The following LCLAT1 variants were observed in gnomAD, a reference collection of about 807,000 sequenced individuals.
LCLAT1 encodes lysocardiolipin acyltransferase 1.
A neutral mutation model predicts 30.7 loss-of-function variants in LCLAT1; 11 were observed. The observed-to-expected ratio is 0.36, with a 90% CI of 0.23 to 0.59. The LOEUF (loss-of-function observed/expected upper bound fraction) is 0.59. LCLAT1 is among the 20% of genes least tolerant of loss of function. LCLAT1 has a pLI of 0.77. For missense variants in LCLAT1, 402 were observed against 458.6 expected (o/e 0.88, Z 1.13); for synonymous variants, 155 against 151.3 (o/e 1.02, Z -0.18).
chr2:30,509,971 A>G (rs1278758551), intron 1 of LCLAT1, among the ~76,000 whole-genome samples: 2 of 152,222 alleles, frequency 1.3e-5, no homozygotes, highest in Non-Finnish European at 2.9e-5. Context: ...GAAGCCAAGT[A>G]CAGATTAGGA....
chr2:30,569,273 G>A (rs1347730230), intron 5 of LCLAT1, among the ~76,000 whole-genome samples: 3 of 152,186 alleles, frequency 2.0e-5, no homozygotes, highest in African/African-American at 7.2e-5. Context: ...AGGTTTTGAT[G>A]TAAATAAAAA....
At position 30,533,366 on chromosome 2, in the gene LCLAT1, C is replaced by T. The variant is rs1351313772; in HGVS notation, c.364+52C>T. The stretch of plus-strand genomic sequence containing the variant: ...TGGTTCATTCATTTTAGATGTAATG[C>T]ACCCACTGTAAAACTGACTTAAGCA... On this transcript the variant is annotated intron_variant, in intron 3 of 5. Coordinates refer to ENST00000379509, the MANE Select transcript of LCLAT1 (RefSeq NM_001002257.3). 2.8e-6 allele frequency: 4 copies of T among 1,438,902 alleles called. No homozygotes were observed. In the East Asian group the frequency reaches 6.8e-5, roughly 25 times the overall value. The allele number at this position is 1,438,902 out of a possible 1,614,324, so 89.1% of individuals were successfully genotyped here. A position where few individuals can be genotyped will look rare whatever the true frequency, so the allele number is the denominator to read the frequency against.
intron 3 of LCLAT1, among the ~76,000 whole-genome samples, chr2:30,543,995 G>C (rs1664274948): frequency 6.6e-6 from 1 of 151,912 alleles, no homozygotes; most frequent in Non-Finnish European, 1.5e-5. Flanking sequence ...TTAAGCTATT[G>C]ATCTAATACC....
intron 5 of LCLAT1, among the ~76,000 whole-genome samples, chr2:30,575,225 T>C (rs985879702): frequency 6.6e-6 from 1 of 152,156 alleles, no homozygotes; most frequent in African/African-American, 2.4e-5. Flanking sequence ...ACTCTATACA[T>C]TTCTGTTAAT....
At chr2:30,546,644 T>G (rs1353054202) in intron 3 of LCLAT1, among the ~76,000 whole-genome samples, 1 of 152,250 alleles carries the variant, frequency 6.6e-6, no homozygotes, top group East Asian at 1.9e-4. Flanking sequence ...CTAAATTTAC[T>G]GAAGTCACCT....
At chr2:30,512,030 A>G (rs900056507) in intron 1 of LCLAT1, among the ~76,000 whole-genome samples, 3 of 152,148 alleles carry the variant, frequency 2.0e-5, no homozygotes, top group East Asian at 1.9e-4. Flanking sequence ...AGGATAGTCA[A>G]CATTTGGCTT....
chr2:30,537,588 A>G (rs1196508782), intron 3 of LCLAT1, among the ~76,000 whole-genome samples: 3 of 151,928 alleles, frequency 2.0e-5, no homozygotes, highest in African/African-American at 7.3e-5. Context: ...TATAAAGCAA[A>G]TACTGTTAGA....
rs1483077820 is a variant in LCLAT1, at chr2:30,640,203, T to C, written c.715T>C (p.Phe239Leu). 2 of 1,613,996 alleles carry C rather than the reference T, an allele frequency of 1.2e-6. No homozygotes were observed. Among genetic ancestry groups the C allele is most frequent in the Admixed American group, 3.3e-5 (2 of 60,008 alleles). The change falls in exon 6 of 6, where the codon TTT (phenylalanine) becomes CTT (leucine). Residue 239 changes from phenylalanine to leucine, a missense_variant. Coordinates refer to ENST00000379509, the MANE Select transcript of LCLAT1 (RefSeq NM_001002257.3). Reference sequence around the variant, plus strand: ...AGAGAAGCACCTCCTCCAAGGAGACTTTCCCAGGGAAATCCACTTTCACGT... The same window carrying C: ...AGAGAAGCACCTCCTCCAAGGAGACCTTCCCAGGGAAATCCACTTTCACGT... ...QSEKHLLQGD[F>L]PREIHFHVHR...
intron 1 of LCLAT1, among the ~76,000 whole-genome samples, chr2:30,523,288 A>C (rs1299788185): frequency 2.7e-5 from 4 of 148,974 alleles, no homozygotes; most frequent in African/African-American, 9.9e-5. Flanking sequence ...TTTTCTGGGG[A>C]GAAGCTAGCT....
intron 3 of LCLAT1, among the ~76,000 whole-genome samples, chr2:30,538,067 T>C (rs1663887404): frequency 6.6e-6 from 1 of 151,936 alleles, no homozygotes; most frequent in Admixed American, 6.6e-5. Flanking sequence ...ACCTATAGGA[T>C]ACAGCAAAAG....
intron 1 of LCLAT1, among the ~76,000 whole-genome samples, chr2:30,447,755 C>T (rs1390378158): frequency 2.0e-5 from 3 of 152,220 alleles, no homozygotes; most frequent in Non-Finnish European, 4.4e-5. Context: ...GGTCTGGGAG[C>T]TGCACTGTCC....
chr2:30,625,126 A>G (rs1668442605), intron 5 of LCLAT1, among the ~76,000 whole-genome samples: 1 of 152,224 alleles, frequency 6.6e-6, no homozygotes, highest in South Asian at 2.1e-4. Flanking sequence ...ATAGCATTAA[A>G]TGCCTATATC....
intron 1 of LCLAT1, among the ~76,000 whole-genome samples, chr2:30,461,621 A>G (rs1682133549): frequency 6.6e-6 from 1 of 151,982 alleles, no homozygotes; most frequent in African/African-American, 2.4e-5. Context: ...GCCCATTGTC[A>G]CAGAGCAAGG....
intron 1 of LCLAT1, among the ~76,000 whole-genome samples, chr2:30,492,026 T>C (rs1010835279): frequency 6.6e-6 from 1 of 152,192 alleles, no homozygotes; most frequent in African/African-American, 2.4e-5. Flanking sequence ...CATTAGGCAT[T>C]TATGTATCAT....
intron 5 of LCLAT1, among the ~76,000 whole-genome samples, chr2:30,595,601 A>T (rs1461783131): frequency 6.6e-6 from 1 of 152,100 alleles, no homozygotes; most frequent in African/African-American, 2.4e-5. Context: ...GCTGAACTTA[A>T]TGGGTACATT....
chr2:30,578,407 G>A (rs749709176), intron 5 of LCLAT1, among the ~76,000 whole-genome samples: 4 of 152,130 alleles, frequency 2.6e-5, no homozygotes, highest in Admixed American at 6.6e-5. Flanking sequence ...TGAAGGGAAG[G>A]CATGTTAGCC....
chr2:30,573,529 TC>T (rs1665873584), intron 5 of LCLAT1, among the ~76,000 whole-genome samples: 1 of 152,160 alleles, frequency 6.6e-6, no homozygotes, highest in Non-Finnish European at 1.5e-5. Context: ...ATCTCCTGTC[TC>T]CCTAGTTGTA....
At chr2:30,543,907 TTTA>T (rs1664271296) in intron 3 of LCLAT1, among the ~76,000 whole-genome samples, 1 of 152,152 alleles carries the variant, frequency 6.6e-6, no homozygotes, top group Non-Finnish European at 1.5e-5. Context: ...TATTCTTATC[TTTA>T]TTATTTCCTA....
chr2:30,597,895 T>C lies in LCLAT1; in HGVS notation c.628+29719T>C, dbSNP rs6748691. ...TTATCACAGGCCTTTTCTGTATCTA[T>C]TGAGATAACTATTTGTCCTTAGTTC... On this transcript the variant is annotated intron_variant, in intron 5 of 5. Transcript: ENST00000379509. 3.5e-3 allele frequency among the ~76,000 whole-genome samples: 530 copies of C among 152,282 alleles called. 1 individual carries two copies. Among genetic ancestry groups the C allele is most frequent in the African/African-American group, 0.012 (505 of 41,570 alleles).
Sources: allele counts gnomAD v4.1 joint callset (sites outside exome capture counted in the v4.1 genomes callset), GRCh38; gene constraint gnomAD v4.1.1; transcripts MANE v1.5; gene names NCBI Gene and HGNC (gene_info 2026-07-23, HGNC 2026-07-21).